APPBP2: variants seen among roughly 807,000 people sequenced by gnomAD.
The protein encoded by APPBP2 is amyloid protein-binding protein 2.
Under a neutral mutation model 76.0 loss-of-function variants are expected in APPBP2, and 15 were observed. That is an observed-to-expected ratio of 0.20 (90% CI 0.13 to 0.30). The LOEUF (loss-of-function observed/expected upper bound fraction) is 0.30, where lower values mean the gene tolerates loss of function less well. APPBP2 is among the 10% of genes least tolerant of loss of function. APPBP2 has a pLI of 1.00. For synonymous variants in APPBP2, 222 were observed against 242.2 expected (o/e 0.92, Z 0.77); for missense variants, 401 against 687.2 (o/e 0.58, Z 4.66).
chr17:60,460,668 A>C lies in APPBP2; in HGVS notation c.1056T>G (p.Asn352Lys). 1 of 1,611,460 alleles carries C rather than the reference A, an allele frequency of 6.2e-7. No homozygotes were observed. The highest frequency in any genetic ancestry group is 8.5e-7 in the Non-Finnish European group (1 of 1,178,822). The change falls in exon 9 of 13, where the codon AAT becomes AAG. Residue 352 changes from asparagine (N) to lysine (K), a missense_variant. By Grantham distance (94) the Asn-to-Lys change is moderately conservative (BLOSUM62 0). Around this residue, in one of 5 missense-constraint regions of APPBP2, gnomAD observed 130 missense variants for 322.7 expected, o/e 0.40. Coordinates refer to ENST00000083182, the MANE Select transcript of APPBP2 (RefSeq NM_006380.5). ...AAAAGGAATGTGGAACTTACAGTGC[A>C]TTGTCAAATTTCCCAGAGCTATACT... is the stretch of plus-strand genomic sequence containing the variant. Reference protein sequence around the residue: ...VHQYSSGKFDNALFHAERAIG... With the variant: ...VHQYSSGKFDKALFHAERAIG...
chr17:60,448,840 G>A (rs1012425261), intron 12 of APPBP2, among the ~76,000 whole-genome samples: 5 of 152,156 alleles, frequency 3.3e-5, no homozygotes, highest in African/African-American at 9.7e-5. Flanking sequence ...GTGAGTGGGT[G>A]GGAACTGGGT....
intron 1 of APPBP2, among the ~76,000 whole-genome samples, chr17:60,507,872 C>T (rs1427163353): frequency 6.6e-6 from 1 of 152,080 alleles, no homozygotes; most frequent in East Asian, 1.9e-4. Context: ...ACTGCAGCCT[C>T]CAACTCCTGG....
At chr17:60,516,484 T>C (rs2090965183) in intron 1 of APPBP2, among the ~76,000 whole-genome samples, 1 of 152,244 alleles carries the variant, frequency 6.6e-6, no homozygotes, top group African/African-American at 2.4e-5. Context: ...CTCTGGTATA[T>C]ATTCCTGTGA....
intron 1 of APPBP2, among the ~76,000 whole-genome samples, chr17:60,514,724 T>C (rs1030274943): frequency 5.9e-5 from 9 of 152,198 alleles, no homozygotes; most frequent in African/African-American, 2.2e-4. Context: ...TTCTTTAAAT[T>C]GTATTGTTGG....
intron 6 of APPBP2, among the ~76,000 whole-genome samples, chr17:60,463,239 A>G (rs140248294): frequency 4.1e-4 from 63 of 152,320 alleles, no homozygotes; most frequent in African/African-American, 1.5e-3. Flanking sequence ...GAGAAACTTC[A>G]GGGTAGAAGA....
intron 9 of APPBP2, among the ~76,000 whole-genome samples, chr17:60,458,231 C>T (rs959401571): frequency 2.6e-5 from 4 of 152,066 alleles, no homozygotes; most frequent in African/African-American, 4.8e-5. Flanking sequence ...GTCAGGAGAT[C>T]GAGACCAGTC....
chr17:60,506,099 C>G (rs2090866074), intron 1 of APPBP2, among the ~76,000 whole-genome samples: 1 of 151,780 alleles, frequency 6.6e-6, no homozygotes, highest in East Asian at 1.9e-4. Context: ...AAGCAATGCA[C>G]CCACCTCAGC....
intron 1 of APPBP2, among the ~76,000 whole-genome samples, chr17:60,508,609 T>TTAACTACCTGCCTAAAGAAGTC (rs1389721842): frequency 5.3e-5 from 8 of 151,950 alleles, no homozygotes; most frequent in African/African-American, 1.9e-4. Context: ...GACCTGGAGA[T>TTAACTACCTGCCTAAAGAAGTC]TAACTACCTG....
At chr17:60,450,639 G>A (rs1282782245) in intron 12 of APPBP2, among the ~76,000 whole-genome samples, 1 of 151,056 alleles carries the variant, frequency 6.6e-6, no homozygotes, top group Admixed American at 6.6e-5. Flanking sequence ...TTAGCCGGGT[G>A]TGCTGGTGCA....
rs1312918268 is a variant in APPBP2 at position 60,444,809 on chromosome 17, TTTA to T, written c.*2769_*2771del. On this transcript the variant is annotated 3_prime_UTR_variant, in exon 13 of 13. Coordinates refer to ENST00000083182, the MANE Select transcript of APPBP2 (RefSeq NM_006380.5). Reference sequence around the variant, plus strand: ...GCACCCAACTGGAGTAGCACCGAACTTTAGGAAAAGACTGGGTAGAAGAGTCAG... The same window carrying T: ...GCACCCAACTGGAGTAGCACCGAACTGGAAAAGACTGGGTAGAAGAGTCAG... 2 of 152,478 alleles carry T rather than the reference TTTA, an allele frequency of 1.3e-5. No individual in the cohort carries two copies. Among genetic ancestry groups the T allele is most frequent in the African/African-American group, 4.8e-5 (2 of 41,392 alleles). 9.4% of individuals were successfully genotyped at this position (152,478 alleles called of 1,614,324 possible).
chr17:60,455,727 C>T (rs749756506), intron 10 of APPBP2, among the ~76,000 whole-genome samples: 1 of 152,034 alleles, frequency 6.6e-6, no homozygotes, highest in Non-Finnish European at 1.5e-5. Flanking sequence ...AAAATTAATG[C>T]ATGCATGAGT....
chr17:60,509,286 G>A (rs572315548), intron 1 of APPBP2, among the ~76,000 whole-genome samples: 7 of 152,076 alleles, frequency 4.6e-5, no homozygotes, highest in Admixed American at 1.3e-4. Context: ...GGCTAAGGCA[G>A]GAGAATTGCT....
intron 3 of APPBP2, among the ~76,000 whole-genome samples, chr17:60,484,876 G>A (rs2090660595): frequency 7.2e-6 from 1 of 139,518 alleles, no homozygotes; most frequent in African/African-American, 3.4e-5. Context: ...GTCTTAAACG[G>A]CTATTATTTT....
intron 1 of APPBP2, among the ~76,000 whole-genome samples, chr17:60,501,111 T>C (rs764313854): frequency 2.6e-5 from 4 of 152,112 alleles, no homozygotes; most frequent in Non-Finnish European, 5.9e-5. Context: ...GGCCAGAGTT[T>C]GAGACAGGCC....
intron 2 of APPBP2, among the ~76,000 whole-genome samples, chr17:60,496,796 C>A (rs1390447821): frequency 1.3e-5 from 2 of 152,196 alleles, no homozygotes; most frequent in African/African-American, 4.8e-5. Context: ...TGTTGGCTCA[C>A]TGCAACCTCC....
At chr17:60,522,792 T>C (rs1030769734) in intron 1 of APPBP2, among the ~76,000 whole-genome samples, 13 of 152,012 alleles carry the variant, frequency 8.6e-5, no homozygotes, top group African/African-American at 2.4e-4. Flanking sequence ...CCCACCACAC[T>C]TGGATACTCA....
intron 1 of APPBP2, among the ~76,000 whole-genome samples, chr17:60,504,093 A>C (rs903171786): frequency 1.3e-5 from 2 of 152,196 alleles, no homozygotes; most frequent in Non-Finnish European, 2.9e-5. Context: ...GAGGAAACTG[A>C]TACTTTTTGT....
At chr17:60,505,676 GT>G (rs1170935393) in intron 1 of APPBP2, among the ~76,000 whole-genome samples, 162 of 85,706 alleles carry the variant, frequency 1.9e-3, no homozygotes, top group East Asian at 0.013. Context: ...GACCCCTGCG[GT>G]TTTTTTTTTT....
At chr17:60,513,539 T>C (rs2090936692) in intron 1 of APPBP2, 6 of 499,288 alleles carry the variant, frequency 1.2e-5, no homozygotes, top group African/African-American at 6.0e-5. Context: ...GTTGTCAAGA[T>C]AGATCCACCA....
Sources: allele counts gnomAD v4.1 joint callset (sites outside exome capture counted in the v4.1 genomes callset), GRCh38; gene constraint gnomAD v4.1.1; regional missense constraint gnomAD v4.1.1; transcripts MANE v1.5; gene names NCBI Gene and HGNC (gene_info 2026-07-23, HGNC 2026-07-21).